ADGRL2: variants seen among roughly 807,000 people sequenced by gnomAD.
ADGRL2 encodes calcium-independent alpha-latrotoxin receptor 2.
ADGRL2 carries 44 observed loss-of-function variants against 157.4 expected under a neutral mutation model. The ratio of observed to expected loss-of-function variants is 0.28; its 90% confidence interval spans 0.22 to 0.36. ADGRL2 has a LOEUF of 0.36. Ranked by LOEUF, ADGRL2 falls within the 10% of genes least tolerant of loss-of-function variation. The pLI, the probability that ADGRL2 is intolerant of heterozygous loss-of-function variation, is 1.00. For synonymous variants in ADGRL2, 585 were observed against 624.7 expected, an observed-to-expected ratio of 0.94 and a Z score of 0.95; for missense variants, 1,510 against 1,768.9, an observed-to-expected ratio of 0.85 and a Z score of 2.63.
At chr1:81,706,017 T>C (rs1287437565) in intron 1 of ADGRL2, among the ~76,000 whole-genome samples, 3 of 152,038 alleles carry the variant, frequency 2.0e-5, no homozygotes, top group South Asian at 2.1e-4. Flanking sequence ...GAGACCATCC[T>C]GGCCAACATA....
Position 81,322,407 on chromosome 1 carries a change from G to A in ADGRL2, c.-302+15898G>A, listed in dbSNP as rs557307009. Among the ~76,000 whole-genome samples the A allele has an allele frequency of 1.2e-4, 18 of 151,980 alleles. No homozygotes were observed. In the South Asian group the frequency reaches 1.9e-3, roughly 16 times the overall value. ...AAAGGTAACAGGACGTGATAAGTGC[G>A]TAATGATGTATATCAGTTAAAAACA... On this transcript the variant is annotated intron_variant, in intron 1 of 24. Coordinates refer to the ADGRL2 transcript ENST00000370721.
intron 1 of ADGRL2, among the ~76,000 whole-genome samples, chr1:81,700,899 C>T (rs1362506139): frequency 6.6e-6 from 1 of 152,198 alleles, no homozygotes; most frequent in Non-Finnish European, 1.5e-5. Flanking sequence ...TTTGCAGTCA[C>T]AGAAAAATCA....
At position 81,984,568 on chromosome 1, in the gene ADGRL2, G is replaced by A. The variant is rs970197791; in HGVS notation, c.3283-15G>A. 1.9e-6 allele frequency: 3 copies of A among 1,583,398 alleles called. No individual in the cohort carries two copies. The highest frequency in any genetic ancestry group is 1.3e-5 in the African/African-American group (1 of 74,272). Reference sequence around the variant, plus strand: ...TGTTATATTAATCCCTTGGTCTTGTGATTATTCAATGCAGGTACGAAAAGA... The same window carrying A: ...TGTTATATTAATCCCTTGGTCTTGTAATTATTCAATGCAGGTACGAAAAGA... On this transcript the variant is annotated splice_polypyrimidine_tract_variant and intron_variant, in intron 19 of 23. Transcript: ENST00000686636.
At chr1:81,667,616 G>A (rs1029544066) in intron 3 of ADGRL2, among the ~76,000 whole-genome samples, 56 of 152,014 alleles carry the variant, frequency 3.7e-4, no homozygotes, top group Non-Finnish European at 1.8e-4. Context: ...GAAAAAATTA[G>A]ATATAATTCT....
At chr1:81,605,000 G>A (rs1000255527) in intron 3 of ADGRL2, among the ~76,000 whole-genome samples, 3 of 152,030 alleles carry the variant, frequency 2.0e-5, no homozygotes, top group Non-Finnish European at 4.4e-5. Context: ...TTCAGCTTCC[G>A]AGACTGGAAA....
intron 1 of ADGRL2, among the ~76,000 whole-genome samples, chr1:81,319,905 A>G (rs992690929): frequency 1.3e-5 from 2 of 152,180 alleles, no homozygotes; most frequent in African/African-American, 4.8e-5. Flanking sequence ...TTAAAATAAG[A>G]CAACAATGAA....
At chr1:81,586,071 A>G (rs2081019642) in intron 3 of ADGRL2, 1 of 152,122 alleles carries the variant, frequency 6.6e-6, no homozygotes, top group African/African-American at 2.4e-5. Context: ...AGCTAAAGCC[A>G]ATGAAAATAA....
chr1:81,426,437 G>A (rs2077217733), intron 1 of ADGRL2: 1 of 372,402 alleles, frequency 2.7e-6, no homozygotes, highest in Admixed American at 3.5e-5. Flanking sequence ...CGAGTCGGAA[G>A]AGGTGAGTCC....
At chr1:81,776,870 A>G (rs1206981292) in intron 2 of ADGRL2, among the ~76,000 whole-genome samples, 4 of 152,198 alleles carry the variant, frequency 2.6e-5, no homozygotes, top group Non-Finnish European at 5.9e-5. Flanking sequence ...TTTCTTATCT[A>G]TAACATTAAA....
At chr1:81,921,726 T>C (rs1229166698) in intron 3 of ADGRL2, among the ~76,000 whole-genome samples, 4 of 152,222 alleles carry the variant, frequency 2.6e-5, no homozygotes, top group Non-Finnish European at 5.9e-5. Flanking sequence ...TCTGCTTTCA[T>C]TGTCACTTTT....
chr1:81,609,818 C>A (rs2081504401), intron 3 of ADGRL2, among the ~76,000 whole-genome samples: 1 of 152,234 alleles, frequency 6.6e-6, no homozygotes, highest in African/African-American at 2.4e-5. Flanking sequence ...AGTTTTCTCT[C>A]AATATCTTGT....
chr1:81,452,415 C>T (rs1054181970), intron 2 of ADGRL2, among the ~76,000 whole-genome samples: 1 of 152,074 alleles, frequency 6.6e-6, no homozygotes, highest in African/African-American at 2.4e-5. Context: ...TACTGAACAC[C>T]TTTATCTCAA....
intron 2 of ADGRL2, among the ~76,000 whole-genome samples, chr1:81,486,676 A>G (rs968862062): frequency 6.6e-6 from 1 of 152,302 alleles, no homozygotes; most frequent in Admixed American, 6.5e-5. Context: ...TTGCCTTCAA[A>G]GTTAGAAAAA....
At chr1:81,433,501 G>T (rs1182091724) in intron 1 of ADGRL2, among the ~76,000 whole-genome samples, 2 of 152,162 alleles carry the variant, frequency 1.3e-5, no homozygotes, top group East Asian at 3.9e-4. Context: ...CAACTGCCAA[G>T]TTTAGTCAGG....
At chr1:81,613,166 G>A (rs147161766) in intron 3 of ADGRL2, among the ~76,000 whole-genome samples, 288 of 152,224 alleles carry the variant, frequency 1.9e-3, no homozygotes, top group African/African-American at 6.2e-3. Flanking sequence ...ATGAAATTAC[G>A]TTACCTATAG....
At chr1:81,760,968 T>A (rs2085862073) in intron 1 of ADGRL2, among the ~76,000 whole-genome samples, 1 of 151,904 alleles carries the variant, frequency 6.6e-6, no homozygotes, top group Admixed American at 6.6e-5. Flanking sequence ...AAAATTTGAC[T>A]TCCATATTTA....
At chr1:81,493,655 G>C (rs2078677473) in intron 2 of ADGRL2, among the ~76,000 whole-genome samples, 1 of 152,066 alleles carries the variant, frequency 6.6e-6, no homozygotes, top group African/African-American at 2.4e-5. Context: ...TTAAGTCTTG[G>C]CTTTGTCACT....
intron 3 of ADGRL2, among the ~76,000 whole-genome samples, chr1:81,584,502 A>G (rs565687008): frequency 1.3e-5 from 2 of 152,282 alleles, no homozygotes; most frequent in East Asian, 3.9e-4. Context: ...TGTCTAATGT[A>G]TGAAAGCACT....
chr1:81,571,930 C>A (rs2080703375), intron 2 of ADGRL2, among the ~76,000 whole-genome samples: 1 of 152,196 alleles, frequency 6.6e-6, no homozygotes, highest in Non-Finnish European at 1.5e-5. Context: ...CATCAACAAG[C>A]TTTTCAGGCC....
Sources: gnomAD v4.1 joint callset for allele counts (sites outside exome capture counted in the v4.1 genomes callset) on GRCh38, gnomAD v4.1.1 for gene constraint, MANE v1.5 for transcripts, NCBI Gene and HGNC (gene_info 2026-07-23, HGNC 2026-07-21) for gene names.